Variants in ZNF250 observed in about 807,000 individuals in gnomAD.
The protein encoded by ZNF250 is zinc finger protein 250.
Under a neutral mutation model 37.1 loss-of-function variants are expected in ZNF250, and 13 were observed. That is an observed-to-expected ratio of 0.35 (90% CI 0.23 to 0.56). The LOEUF is 0.56. Ranked by LOEUF, ZNF250 falls within the 20% of genes least tolerant of loss-of-function variation. The probability of loss-of-function intolerance (pLI) is 0.87; values close to 1 mark genes in which losing one functional copy is unlikely to be tolerated. For missense variants in ZNF250, 474 were observed against 697.9 expected (o/e 0.68, Z 3.61); for synonymous variants, 251 against 265.6 (o/e 0.94, Z 0.54).
chr8:144,899,686 C>A (rs1832975133), intron 1 of ZNF250, among the ~76,000 whole-genome samples: 1 of 152,084 alleles, frequency 6.6e-6, no homozygotes, highest in East Asian at 1.9e-4. Context: ...CAAAAATGGA[C>A]CTAAAGGCAT....
intron 1 of ZNF250, among the ~76,000 whole-genome samples, chr8:144,898,063 TG>T (rs1171180047): frequency 6.6e-6 from 1 of 152,054 alleles, no homozygotes; most frequent in Admixed American, 6.6e-5. Context: ...AGCCAGATTT[TG>T]GGGGGGCCTG....
In ZNF250 at chr8:144,881,392, TG is replaced by T; in HGVS notation, c.*122del. On this transcript the variant is annotated 3_prime_UTR_variant, in exon 6 of 6. Coordinates refer to ENST00000417550, the MANE Select transcript of ZNF250 (RefSeq NM_001109689.4). ...TAAGTGCTTCTTTCTGGAGTTATTT[TG>T]TGACACTGAATCGCCAAAGAAAAGC... The T allele has an allele frequency of 7.2e-7, 1 of 1,389,474 alleles. No homozygotes were observed. Among genetic ancestry groups the T allele is most frequent in the Non-Finnish European group, 9.5e-7 (1 of 1,052,854 alleles). The allele number at this position is 1,389,474 out of a possible 1,614,324, so 86.1% of individuals were successfully genotyped here. A position where few individuals can be genotyped will look rare whatever the true frequency, so the allele number is the denominator to read the frequency against.
chr8:144,878,876 G>A lies in ZNF250; in HGVS notation c.*2639C>T, dbSNP rs1490687977. ...TCTGAAGTAAACCTCAGTGGTCAGAGCTACTCTGCAGTACCCACTAGTGAT... is the reference window on the plus strand; with the variant it reads ...TCTGAAGTAAACCTCAGTGGTCAGAACTACTCTGCAGTACCCACTAGTGAT... On this transcript the variant is annotated 3_prime_UTR_variant, in exon 6 of 6. Transcript: ENST00000417550. 6.6e-6 allele frequency: 1 copy of A among 152,156 alleles called. No individual in the cohort carries two copies. Among genetic ancestry groups the A allele is most frequent in the Non-Finnish European group, 1.5e-5 (1 of 68,046 alleles). The allele number at this position is 152,156 out of a possible 1,614,324, so 9.4% of individuals were successfully genotyped here. A position where few individuals can be genotyped will look rare whatever the true frequency, so the allele number is the denominator to read the frequency against.
intron 1 of ZNF250, among the ~76,000 whole-genome samples, chr8:144,892,088 T>C (rs1326647850): frequency 6.6e-6 from 1 of 152,236 alleles, no homozygotes; most frequent in African/African-American, 2.4e-5. Context: ...ACTAACTGCC[T>C]GCCTCTGAAG....
Position 144,890,343 on chromosome 8 carries a change from C to T in ZNF250, c.7G>A (p.Ala3Thr), listed in dbSNP as rs892222100. The T allele has an allele frequency of 1.2e-5, 18 of 1,501,986 alleles. No individual in the cohort carries two copies. Among genetic ancestry groups the T allele is most frequent in the African/African-American group, 1.4e-5 (1 of 71,424 alleles). The allele number at this position is 1,501,986 out of a possible 1,614,324, so 93.0% of individuals were successfully genotyped here. Residue 3 changes from alanine to threonine, a missense_variant, in exon 2 of 6, where the codon GCA becomes ACA. Around this residue, in one of 2 missense-constraint regions of ZNF250, gnomAD observed 192 missense variants for 227.5 expected, o/e 0.84. Transcript: ENST00000417550. The surrounding 1 kb of genome is among the most constrained non-coding windows in gnomAD (Gnocchi z 5.1). MA[A>T]ARLLPVPAGP... ...GCCGGCACTGGCAGGAGTCTGGCTG[C>T]TGCCATCACCTGGTCTCCTGGGGAC...
intron 1 of ZNF250, among the ~76,000 whole-genome samples, chr8:144,899,416 G>T (rs1219460101): frequency 1.3e-5 from 2 of 152,168 alleles, no homozygotes; most frequent in Non-Finnish European, 2.9e-5. Context: ...AATGATGTTT[G>T]AGGTGACAGA....
intron 5 of ZNF250, among the ~76,000 whole-genome samples, chr8:144,883,559 T>C (rs1187095753): frequency 6.6e-6 from 1 of 152,102 alleles, no homozygotes; most frequent in Non-Finnish European, 1.5e-5. Flanking sequence ...AGACTGGTCT[T>C]GAACTCTTGA....
intron 5 of ZNF250, 150 bp downstream of exon 5, chr8:144,886,690 C>A: frequency 1.7e-6 from 1 of 579,906 alleles, no homozygotes; most frequent in East Asian, 3.2e-5. Context: ...AAATTAAAAA[C>A]ACAAAAAGCC....
At position 144,882,232 on chromosome 8, in the gene ZNF250, A is replaced by G. The variant is rs1831534243; in HGVS notation, c.951T>C (p.His317=). 1.2e-6 allele frequency: 2 copies of G among 1,613,672 alleles called. No individual in the cohort carries two copies. The highest frequency in any genetic ancestry group is 1.3e-5 in the African/African-American group (1 of 74,896). Residue 317 remains histidine, a synonymous_variant, in exon 6 of 6, where the codon CAT becomes CAC. Transcript: ENST00000417550. This position sits in a 1 kb window ranked among gnomAD's most constrained non-coding sequence, Gnocchi z 5.5. ...VCPLCGKAFN[H]STVLRSHQRV... ...TCTGGTGGCTCCGCAGAACAGTGCTATGGTTGAAGGCTTTCCCACACAACG... is the reference window on the plus strand; with the variant it reads ...TCTGGTGGCTCCGCAGAACAGTGCTGTGGTTGAAGGCTTTCCCACACAACG...
chr8:144,896,260 T>C (rs921060526), intron 1 of ZNF250, among the ~76,000 whole-genome samples: 11 of 151,888 alleles, frequency 7.2e-5, no homozygotes, highest in African/African-American at 2.4e-4. Flanking sequence ...GATGGGAAGA[T>C]TGCTTGAGCC....
At chr8:144,893,766 T>A (rs1313069747) in intron 1 of ZNF250, among the ~76,000 whole-genome samples, 1 of 152,156 alleles carries the variant, frequency 6.6e-6, no homozygotes, top group African/African-American at 2.4e-5. Context: ...AGGAAGTACA[T>A]TCAGGGCCTC....
chr8:144,884,465 G>T (rs901595137), intron 5 of ZNF250, among the ~76,000 whole-genome samples: 1 of 151,970 alleles, frequency 6.6e-6, no homozygotes, highest in Non-Finnish European at 1.5e-5. Context: ...TGTTGGCCAG[G>T]ATGGCCTCAA....
In ZNF250 at chr8:144,897,928, G is replaced by C. The variant is rs918540910; in HGVS notation, c.-55+3471C>G. ...GGGTTTTCCACCCTGGGCCGGCCAGGTGTTCCTTGCCCTCATTCCGGTAAA... is the reference window on the plus strand; with the variant it reads ...GGGTTTTCCACCCTGGGCCGGCCAGCTGTTCCTTGCCCTCATTCCGGTAAA... On this transcript the variant is annotated intron_variant, in intron 1 of 5. Coordinates refer to ENST00000417550, the MANE Select transcript of ZNF250 (RefSeq NM_001109689.4). The surrounding 1 kb of genome is among the most constrained non-coding windows in gnomAD (Gnocchi z 5.2). Among the ~76,000 whole-genome samples the C allele has an allele frequency of 6.6e-6, 1 of 152,234 alleles. No individual in the cohort carries two copies. Among genetic ancestry groups the C allele is most frequent in the South Asian group, 2.1e-4 (1 of 4,834 alleles).
chr8:144,883,554 G>T (rs1162334596), intron 5 of ZNF250, among the ~76,000 whole-genome samples: 2 of 152,054 alleles, frequency 1.3e-5, no homozygotes, highest in South Asian at 4.2e-4. Flanking sequence ...CGGCCAGACT[G>T]GTCTTGAACT....
intron 1 of ZNF250, among the ~76,000 whole-genome samples, chr8:144,895,558 G>A (rs1338309687): frequency 1.3e-5 from 2 of 152,286 alleles, no homozygotes; most frequent in Non-Finnish European, 2.9e-5. Flanking sequence ...TTAACACACA[G>A]AGGAAATACT....
rs548117083 is a variant in ZNF250, at chr8:144,891,573, C to T, written c.-54-1170G>A. On this transcript the variant is annotated intron_variant, in intron 1 of 5. Transcript: ENST00000417550. This position sits in a 1 kb window ranked among gnomAD's most constrained non-coding sequence, Gnocchi z 4.0. ...TCTACTAAAAATACAAAAATCAGGC[C>T]GGGTGCAGTGGCTTATGCCTGTAAT... is the stretch of plus-strand genomic sequence containing the variant. 5.1e-4 allele frequency among the ~76,000 whole-genome samples: 77 copies of T among 151,758 alleles called. 1 individual carries two copies. Among genetic ancestry groups the T allele is most frequent in the African/African-American group, 1.7e-3 (72 of 41,394 alleles).
At chr8:144,893,377 C>T (rs1238595558) in intron 1 of ZNF250, among the ~76,000 whole-genome samples, 1 of 152,168 alleles carries the variant, frequency 6.6e-6, no homozygotes, top group Non-Finnish European at 1.5e-5. Flanking sequence ...GTCACCCAGG[C>T]TGGAGTGCAG....
Position 144,880,768 on chromosome 8 carries a change from G to A in ZNF250, c.*747C>T, listed in dbSNP as rs990871070. The A allele has an allele frequency of 3.6e-6, 1 of 278,162 alleles. No individual in the cohort carries two copies. The highest frequency in any genetic ancestry group is 7.4e-6 in the Non-Finnish European group (1 of 135,940). 17.2% of individuals were successfully genotyped at this position (278,162 alleles called of 1,614,324 possible). ...AATCCTAGTTACTTGGGAGACTGAG[G>A]CACAAGAAAAGCTTGAACCTGGGGT... On this transcript the variant is annotated 3_prime_UTR_variant, in exon 6 of 6. Transcript: ENST00000417550.
At position 144,882,108 on chromosome 8, in the gene ZNF250, C is replaced by G; in HGVS notation, c.1075G>C (p.Glu359Gln). ...CACTCGCTGCACGTGTAGGGCTTCT[C>G]CCCGGTGTGGATCCTCTGGTGCTGC... ...LLQHQRIHTGEKPYTCSECGK... is the reference protein window; with the variant it reads ...LLQHQRIHTGQKPYTCSECGK... Residue 359 changes from glutamate (E) to glutamine (Q), a missense_variant, in exon 6 of 6, where the codon GAG becomes CAG. Around this residue, in one of 2 missense-constraint regions of ZNF250, gnomAD observed 282 missense variants for 470.4 expected, o/e 0.60. Coordinates refer to ENST00000417550, the MANE Select transcript of ZNF250 (RefSeq NM_001109689.4). This position sits in a 1 kb window ranked among gnomAD's most constrained non-coding sequence, Gnocchi z 5.5. 6.2e-7 allele frequency: 1 copy of G among 1,614,078 alleles called. No individual in the cohort carries two copies. The highest frequency in any genetic ancestry group is 8.5e-7 in the Non-Finnish European group (1 of 1,180,012).
Sources: gnomAD v4.1 joint callset for allele counts (sites outside exome capture counted in the v4.1 genomes callset) on GRCh38, gnomAD v4.1.1 for gene constraint, gnomAD v4.1.1 regional missense constraint, Gnocchi (gnomAD v3.1) non-coding constraint, MANE v1.5 for transcripts, NCBI Gene and HGNC (gene_info 2026-07-23, HGNC 2026-07-21) for gene names.